The following FBXL20 variants were observed in gnomAD, a reference collection of about 807,000 sequenced individuals.
FBXL20 encodes the protein F-box and leucine rich repeat protein 20.
Under a neutral mutation model 64.0 loss-of-function variants are expected in FBXL20, and 11 were observed. The ratio of observed to expected loss-of-function variants is 0.17; its 90% CI spans 0.11 to 0.28. FBXL20 has a LOEUF of 0.28. Ranked by LOEUF, FBXL20 falls within the 10% of genes least tolerant of loss-of-function variation. The pLI, the probability that FBXL20 is intolerant of heterozygous loss-of-function variation, is 1.00. For missense variants in FBXL20, 303 were observed against 526.2 expected (o/e 0.58, Z 4.15); for synonymous variants, 184 against 189.0 (o/e 0.97, Z 0.22).
At chr17:39,365,806 G>A (rs2047854029) in intron 1 of FBXL20, among the ~76,000 whole-genome samples, 1 of 152,138 alleles carries the variant, frequency 6.6e-6, no homozygotes, top group African/African-American at 2.4e-5. Flanking sequence ...TCCTGGAAAT[G>A]TTCCATGCCC....
At chr17:39,351,470 A>G (rs997988887) in intron 1 of FBXL20, among the ~76,000 whole-genome samples, 1 of 152,158 alleles carries the variant, frequency 6.6e-6, no homozygotes, top group African/African-American at 2.4e-5. Context: ...GCAATAGAAT[A>G]TGTGTTTTAG....
intron 11 of FBXL20, 152 bp downstream of exon 11, chr17:39,270,644 A>G: frequency 1.7e-6 from 1 of 577,140 alleles, no homozygotes. Flanking sequence ...TCTTATTGAT[A>G]TCAGTAGGTC....
At chr17:39,295,850 CG>C (rs2047080876) in intron 6 of FBXL20, among the ~76,000 whole-genome samples, 2 of 148,728 alleles carry the variant, frequency 1.3e-5, no homozygotes, top group Non-Finnish European at 3.0e-5. Context: ...CAAACTCCTC[CG>C]CAGTTTGCTT....
At chr17:39,291,335 T>C (rs1275020308) in intron 6 of FBXL20, among the ~76,000 whole-genome samples, 1 of 152,040 alleles carries the variant, frequency 6.6e-6, no homozygotes, top group Non-Finnish European at 1.5e-5. Context: ...TTTCTATTTT[T>C]TTCTTCCTTT....
chr17:39,333,513 C>A (rs766084774), intron 2 of FBXL20, among the ~76,000 whole-genome samples: 5 of 152,344 alleles, frequency 3.3e-5, no homozygotes, highest in Non-Finnish European at 7.3e-5. Flanking sequence ...ACCTCCCAGC[C>A]GCCTGCCTTG....
At chr17:39,319,164 G>A (rs540754733) in intron 2 of FBXL20, among the ~76,000 whole-genome samples, 27 of 151,760 alleles carry the variant, frequency 1.8e-4, no homozygotes, top group Non-Finnish European at 3.5e-4. Flanking sequence ...CAGGAGAATC[G>A]CTTGAACCAG....
At position 39,264,192 on chromosome 17, in the gene FBXL20, CA is replaced by C; in HGVS notation, c.1185del (p.Gly396GlufsTer27). 1.2e-6 allele frequency: 2 copies of C among 1,614,166 alleles called. No homozygotes were observed. The highest frequency in any genetic ancestry group is 1.7e-6 in the Non-Finnish European group (2 of 1,180,032). Reference sequence around the variant, plus strand: ...ATTTTTACCCTGAGTCTCTTGATTCCAGCCCGTGTGATTTGCTGGCAGTCAT... The same window carrying C: ...ATTTTTACCCTGAGTCTCTTGATTCCGCCCGTGTGATTTGCTGGCAGTCAT... The part of the protein sequence containing the change: ...ELYDCQQITR[A>X]GIKRLRTHLP... On this transcript the variant is annotated frameshift_variant, in exon 14 of 15. Coordinates refer to ENST00000264658, the MANE Select transcript of FBXL20 (RefSeq NM_032875.3). LOFTEE classifies it high-confidence loss of function.
chr17:39,300,066 C>T (rs2047120908), intron 4 of FBXL20, among the ~76,000 whole-genome samples: 1 of 152,210 alleles, frequency 6.6e-6, no homozygotes, highest in Admixed American at 6.5e-5. Flanking sequence ...CACTGCACTC[C>T]AGCCTGGGTG....
At chr17:39,285,339 G>A in intron 7 of FBXL20, 139 bp downstream of exon 7, 2 of 486,122 alleles carry the variant, frequency 4.1e-6, no homozygotes, top group Non-Finnish European at 6.9e-6. Context: ...TGGGCAAGTG[G>A]TAAAACAAAT....
chr17:39,367,749 G>C (rs556942846), intron 1 of FBXL20, among the ~76,000 whole-genome samples: 7 of 151,818 alleles, frequency 4.6e-5, no homozygotes, highest in East Asian at 1.9e-4. Flanking sequence ...TCTATTTATT[G>C]AAAGATTATT....
intron 1 of FBXL20, among the ~76,000 whole-genome samples, chr17:39,375,316 CCAAT>C (rs1567901754): frequency 6.6e-6 from 1 of 151,996 alleles, no homozygotes; most frequent in Non-Finnish European, 1.5e-5. Flanking sequence ...TCAGAAACCT[CCAAT>C]CAAACATGTA....
intron 5 of FBXL20, among the ~76,000 whole-genome samples, chr17:39,298,555 T>C (rs964220323): frequency 6.6e-5 from 10 of 151,994 alleles, no homozygotes; most frequent in Non-Finnish European, 1.0e-4. Flanking sequence ...CCTGACTCTA[T>C]AAAAAAATTT....
At position 39,280,768 on chromosome 17, in the gene FBXL20, C is replaced by G. The variant is rs533260279; in HGVS notation, c.696+621G>C. On this transcript the variant is annotated intron_variant, in intron 9 of 14. Coordinates refer to ENST00000264658, the MANE Select transcript of FBXL20 (RefSeq NM_032875.3). ...TTGACGAGTATATATTGCTCATCAT[C>G]TTATTTATTTTTTTGAGACAAGGTC... Among the ~76,000 whole-genome samples the G allele has an allele frequency of 3.3e-5, 5 of 152,020 alleles. No homozygotes were observed. In the East Asian group the frequency reaches 9.7e-4, roughly 29 times the overall value.
intron 2 of FBXL20, among the ~76,000 whole-genome samples, chr17:39,319,142 C>T (rs986185667): frequency 1.3e-5 from 2 of 149,470 alleles, no homozygotes; most frequent in Non-Finnish European, 3.0e-5. Context: ...CCAGCTACTT[C>T]GAAGGCTGAG....
At chr17:39,281,536 ACATT>A (rs1225985933) in intron 8 of FBXL20, 73 bp from the exon 9 acceptor site, 3 of 1,285,752 alleles carry the variant, frequency 2.3e-6, no homozygotes, top group Admixed American at 2.0e-5. Flanking sequence ...AAGAATGTAC[ACATT>A]CATTCATACA....
chr17:39,315,130 G>A (rs1051378234), intron 2 of FBXL20, among the ~76,000 whole-genome samples: 40 of 151,092 alleles, frequency 2.6e-4, no homozygotes, highest in Admixed American at 2.2e-3. Flanking sequence ...ACAGGGTTTC[G>A]CCTTGTTGGC....
At chr17:39,363,827 C>CAAAAAAAAAAACAAAAAA (rs1555612706) in intron 1 of FBXL20, among the ~76,000 whole-genome samples, 8 of 78,026 alleles carry the variant, frequency 1.0e-4, no homozygotes, top group African/African-American at 3.8e-4. Flanking sequence ...AAAAAAAAAA[C>CAAAAAAAAAAACAAAAAA]AAAAAACAAA....
rs572064282 is a variant in FBXL20, at chr17:39,318,536, T to C, written c.105-14897A>G. The stretch of plus-strand genomic sequence containing the variant: ...CAGGCAGATCACCTGAGATCGAGAG[T>C]TCGAGACCAGCCTGACGAACATGGA... On this transcript the variant is annotated intron_variant, in intron 2 of 14. Transcript: ENST00000264658. 2.2e-3 allele frequency among the ~76,000 whole-genome samples: 336 copies of C among 151,798 alleles called. 2 individuals are homozygous for C. Among genetic ancestry groups the C allele is most frequent in the African/African-American group, 7.7e-3 (317 of 41,380 alleles).
At chr17:39,341,544 G>A in intron 2 of FBXL20, among the ~76,000 whole-genome samples, 1 of 152,204 alleles carries the variant, frequency 6.6e-6, no homozygotes. Flanking sequence ...GAATTAAGGA[G>A]AGAGGGTTCA....
Sources: gnomAD v4.1 joint callset for allele counts (sites outside exome capture counted in the v4.1 genomes callset) on GRCh38, gnomAD v4.1.1 for gene constraint, MANE v1.5 for transcripts, NCBI Gene and HGNC (gene_info 2026-07-23, HGNC 2026-07-21) for gene names.